The following CPNE5 variants were observed in gnomAD, a reference collection of about 807,000 sequenced individuals.
The protein encoded by CPNE5 is copine 5.
CPNE5 carries 42 observed loss-of-function variants against 81.1 expected under a neutral mutation model. That is an observed-to-expected ratio of 0.52 (90% CI 0.40 to 0.67). The LOEUF (loss-of-function observed/expected upper bound fraction) is 0.67. Ranked by LOEUF, CPNE5 falls within the 30% of genes least tolerant of loss-of-function variation. The pLI is 0.00. For missense variants in CPNE5, 612 were observed against 815.5 expected (o/e 0.75, Z 3.04); for synonymous variants, 313 against 321.5 (o/e 0.97, Z 0.28).
At chr6:36,800,620 A>G (rs542748935) in intron 3 of CPNE5, among the ~76,000 whole-genome samples, 1 of 152,340 alleles carries the variant, frequency 6.6e-6, no homozygotes, top group Admixed American at 6.5e-5. Context: ...TTTGGTATTC[A>G]TGCCCTTGCA....
intron 7 of CPNE5, chr6:36,792,310 G>T: frequency 1.3e-6 from 2 of 1,520,658 alleles, no homozygotes; most frequent in Non-Finnish European, 8.8e-7. Context: ...GCCTGGAGCT[G>T]CCCCACCCCC....
chr6:36,767,395 T>G (rs1009970419), intron 10 of CPNE5, among the ~76,000 whole-genome samples: 1 of 152,172 alleles, frequency 6.6e-6, no homozygotes, highest in Non-Finnish European at 1.5e-5. Context: ...ATGGGAAAAT[T>G]GAGCCCTAAG....
At chr6:36,765,454 C>T in intron 10 of CPNE5, 78 bp from the exon 11 acceptor site, 1 of 1,568,860 alleles carries the variant, frequency 6.4e-7, no homozygotes, top group Non-Finnish European at 8.8e-7. Flanking sequence ...CTTCATGTTC[C>T]CGGACCAGAT....
rs151282451 is a variant in CPNE5, at chr6:36,786,531, G to A, written c.528+5502C>T. Among the ~76,000 whole-genome samples the A allele has an allele frequency of 2.4e-3, 372 of 152,222 alleles. 4 individuals are homozygous for A. Among genetic ancestry groups the A allele is most frequent in the African/African-American group, 8.5e-3 (351 of 41,516 alleles). ...CTGACCGTTTTCCCTCCCACTCACCGAGCCTGTGTTTCTGGGATACTAACC... is the reference window on the plus strand; with the variant it reads ...CTGACCGTTTTCCCTCCCACTCACCAAGCCTGTGTTTCTGGGATACTAACC... On this transcript the variant is annotated intron_variant, in intron 8 of 20. Transcript: ENST00000244751.
chr6:36,829,038 G>T lies in CPNE5; in HGVS notation c.96-5940C>A, dbSNP rs149343882. Among the ~76,000 whole-genome samples, 107 of 152,316 alleles carry T rather than the reference G, an allele frequency of 7.0e-4. 2 individuals carry two copies. In the East Asian group the frequency reaches 0.019, roughly 26 times the overall value. ...TAAGTGCTCAACAAAGGCCTGTGGA[G>T]AATGAAGATGGCACCTAAGAATGCT... is the stretch of plus-strand genomic sequence containing the variant. On this transcript the variant is annotated intron_variant, in intron 1 of 20. Coordinates refer to ENST00000244751, the MANE Select transcript of CPNE5 (RefSeq NM_020939.2).
chr6:36,773,712 G>A (rs945723136), intron 10 of CPNE5, among the ~76,000 whole-genome samples: 3 of 152,178 alleles, frequency 2.0e-5, no homozygotes, highest in African/African-American at 7.2e-5. Context: ...GGCTCAGACA[G>A]GTCAAGGATT....
At chr6:36,800,399 A>T (rs1769997526) in intron 3 of CPNE5, among the ~76,000 whole-genome samples, 1 of 152,116 alleles carries the variant, frequency 6.6e-6, no homozygotes, top group African/African-American at 2.4e-5. Flanking sequence ...TCAAGGCCTG[A>T]TGTAAATGCC....
intron 1 of CPNE5, among the ~76,000 whole-genome samples, chr6:36,834,990 C>T (rs563418791): frequency 2.0e-5 from 3 of 152,268 alleles, no homozygotes; most frequent in Admixed American, 6.5e-5. Flanking sequence ...GGCAACAAAA[C>T]GCCAACCCGA....
intron 16 of CPNE5, among the ~76,000 whole-genome samples, chr6:36,745,725 C>A (rs1388289284): frequency 6.6e-6 from 1 of 152,142 alleles, no homozygotes; most frequent in Non-Finnish European, 1.5e-5. Flanking sequence ...CTGCTCCTTA[C>A]CCGGCTCCCT....
Position 36,778,889 on chromosome 6 carries a change from G to A in CPNE5, c.597C>T (p.Pro199=), listed in dbSNP as rs1767778720. ...CGTTGCTTCTGTAGAATACCAAGAA[G>A]GGGTCAGATTTCCCAAAGAAATCTT... ...DKKDFFGKSD[P]FLVFYRSNED... Residue 199 remains proline, a synonymous_variant, in exon 9 of 21, where the codon CCC becomes CCT. Transcript: ENST00000244751. 1.9e-6 allele frequency: 3 copies of A among 1,606,796 alleles called. No homozygotes were observed. Among genetic ancestry groups the A allele is most frequent in the Non-Finnish European group, 2.6e-6 (3 of 1,173,792 alleles).
chr6:36,823,775 A>G (rs1772266201), intron 1 of CPNE5, among the ~76,000 whole-genome samples: 1 of 152,160 alleles, frequency 6.6e-6, no homozygotes, highest in African/African-American at 2.4e-5. Flanking sequence ...GCTCCCATTT[A>G]CTGAGCCCCG....
chr6:36,830,207 T>G (rs1772869309), intron 1 of CPNE5, among the ~76,000 whole-genome samples: 1 of 152,146 alleles, frequency 6.6e-6, no homozygotes, highest in Non-Finnish European at 1.5e-5. Flanking sequence ...AAAGGTGCCC[T>G]GGGGAGTGCT....
At chr6:36,749,457 A>T (rs1395624684) in intron 14 of CPNE5, among the ~76,000 whole-genome samples, 2 of 152,192 alleles carry the variant, frequency 1.3e-5, no homozygotes, top group East Asian at 3.8e-4. Flanking sequence ...GGAATTGTTA[A>T]TTTTTTAGGT....
At chr6:36,833,598 G>T (rs2150623153) in intron 1 of CPNE5, among the ~76,000 whole-genome samples, 1 of 152,348 alleles carries the variant, frequency 6.6e-6, no homozygotes, top group Non-Finnish European at 1.5e-5. Context: ...GGGCCTGGGG[G>T]TGGACTCTAG....
chr6:36,822,995 C>G, intron 2 of CPNE5, 63 bp downstream of exon 2: 2 of 1,392,126 alleles, frequency 1.4e-6, no homozygotes, highest in Non-Finnish European at 2.0e-6. Context: ...CAAGCATTGC[C>G]GCTGTAATTA....
chr6:36,837,833 G>A (rs1297651363), intron 1 of CPNE5, among the ~76,000 whole-genome samples: 1 of 152,100 alleles, frequency 6.6e-6, no homozygotes, highest in East Asian at 1.9e-4. Flanking sequence ...GGGAGGGAGT[G>A]CCAGGCGCAG....
chr6:36,824,941 G>A (rs965728813), intron 1 of CPNE5, among the ~76,000 whole-genome samples: 3 of 152,172 alleles, frequency 2.0e-5, no homozygotes, highest in Non-Finnish European at 4.4e-5. Context: ...AACAGCAGCA[G>A]CAACAACAAC....
At chr6:36,799,796 T>C (rs890012610) in intron 4 of CPNE5, among the ~76,000 whole-genome samples, 171 bp downstream of exon 4, 1 of 152,122 alleles carries the variant, frequency 6.6e-6, no homozygotes, top group African/African-American at 2.4e-5. Context: ...CCCCTTTCCA[T>C]CTCTCCTGGT....
At chr6:36,792,466 T>A (rs1430013044) in intron 7 of CPNE5, 26 of 1,202,444 alleles carry the variant, frequency 2.2e-5, no homozygotes, top group Non-Finnish European at 2.8e-5. Context: ...AAAGACCTCA[T>A]GGGCTAGCCA....
Sources: allele counts gnomAD v4.1 joint callset (sites outside exome capture counted in the v4.1 genomes callset), GRCh38; gene constraint gnomAD v4.1.1; transcripts MANE v1.5; gene names NCBI Gene and HGNC (gene_info 2026-07-23, HGNC 2026-07-21).